The following CSMD1 variants were observed in gnomAD, a reference collection of about 807,000 sequenced individuals.
The protein encoded by CSMD1 is CUB and sushi domain-containing protein 1.
In CSMD1, 213 loss-of-function variants were observed where a neutral mutation model predicts 417.5. That is an observed-to-expected ratio of 0.51 (90% CI 0.46 to 0.57). The LOEUF (loss-of-function observed/expected upper bound fraction) is 0.57, where lower values mean the gene tolerates loss of function less well. CSMD1 is among the 20% of genes least tolerant of loss of function. CSMD1 has a pLI of 0.00. For synonymous variants in CSMD1, 2,862 were observed against 1,736.8 expected (o/e 1.65, Z -16.11); for missense variants, 6,923 against 4,529.7 (o/e 1.53, Z -15.17).
intron 23 of CSMD1, among the ~76,000 whole-genome samples, chr8:3,321,655 C>T (rs1468017681): frequency 2.0e-5 from 3 of 152,232 alleles, no homozygotes; most frequent in African/African-American, 7.2e-5. Context: ...ATGCATATTA[C>T]TATATTTAAC....
intron 3 of CSMD1, among the ~76,000 whole-genome samples, chr8:4,407,349 T>TA (rs1348341752): frequency 2.6e-5 from 4 of 152,252 alleles, no homozygotes; most frequent in African/African-American, 9.6e-5. Flanking sequence ...ATAACTTTTT[T>TA]AAAACTCAAT....
At chr8:3,631,592 G>C (rs1386352569) in intron 7 of CSMD1, among the ~76,000 whole-genome samples, 1 of 152,212 alleles carries the variant, frequency 6.6e-6, no homozygotes, top group Non-Finnish European at 1.5e-5. Flanking sequence ...CAAATCGGTA[G>C]AAGACAGGGA....
At chr8:3,730,661 C>T (rs1214277144) in intron 6 of CSMD1, among the ~76,000 whole-genome samples, 1 of 152,120 alleles carries the variant, frequency 6.6e-6, no homozygotes, top group Non-Finnish European at 1.5e-5. Context: ...ACAGATTGAC[C>T]TTCACCAGCA....
chr8:4,305,476 T>A (rs1046008452), intron 3 of CSMD1, among the ~76,000 whole-genome samples: 2 of 152,166 alleles, frequency 1.3e-5, no homozygotes, highest in African/African-American at 4.8e-5. Flanking sequence ...ACTGTAAAAT[T>A]AATGTGCTTT....
Position 3,543,222 on chromosome 8 carries a change from G to A in CSMD1, c.1344+31723C>T, listed in dbSNP as rs566408697. Among the ~76,000 whole-genome samples, 4 of 152,346 alleles carry A rather than the reference G, an allele frequency of 2.6e-5. No individual in the cohort carries two copies. In the South Asian group the frequency reaches 8.3e-4, roughly 32 times the overall value. ...CTGGTAAGTCTTAGCAGCAAGGGAGGTGGGAGAAGCCCAGGATGTGACGTA... is the reference window on the plus strand; with the variant it reads ...CTGGTAAGTCTTAGCAGCAAGGGAGATGGGAGAAGCCCAGGATGTGACGTA... On this transcript the variant is annotated intron_variant, in intron 10 of 69. Coordinates refer to ENST00000635120, the MANE Select transcript of CSMD1 (RefSeq NM_033225.6).
chr8:3,841,482 T>A (rs1563135199), intron 5 of CSMD1, among the ~76,000 whole-genome samples: 1 of 152,134 alleles, frequency 6.6e-6, no homozygotes, highest in Non-Finnish European at 1.5e-5. Flanking sequence ...CATTCCCCAT[T>A]CCCTTTTCAT....
At chr8:3,377,774 T>C (rs1329749724) in intron 18 of CSMD1, among the ~76,000 whole-genome samples, 1 of 152,160 alleles carries the variant, frequency 6.6e-6, no homozygotes, top group Non-Finnish European at 1.5e-5. Context: ...GGGCTGTACT[T>C]TCCATGAATG....
intron 46 of CSMD1, among the ~76,000 whole-genome samples, chr8:3,101,694 G>C (rs1179629939): frequency 2.0e-5 from 3 of 151,952 alleles, no homozygotes; most frequent in Admixed American, 6.6e-5. Context: ...CAAAGTAATA[G>C]GATTATAGGC....
intron 3 of CSMD1, among the ~76,000 whole-genome samples, chr8:4,379,608 A>G (rs894090048): frequency 6.6e-6 from 1 of 152,020 alleles, no homozygotes; most frequent in Admixed American, 6.5e-5. Context: ...AATGTTTGCA[A>G]GGTAAGCCAT....
At chr8:3,644,728 A>AG (rs752186666) in intron 7 of CSMD1, among the ~76,000 whole-genome samples, 5 of 152,180 alleles carry the variant, frequency 3.3e-5, no homozygotes, top group South Asian at 2.1e-4. Context: ...GGGGCCTGTC[A>AG]GGGGGGTGCA....
At position 3,644,373 on chromosome 8, in the gene CSMD1, G is replaced by A. The variant is rs117613073; in HGVS notation, c.1010-27576C>T. ...ATGTCTGGCTCTAAAATCAGCAGGT[G>A]CGAGTGAGACCCTGGAGAAGCCCTG... On this transcript the variant is annotated intron_variant, in intron 7 of 69. Transcript: ENST00000635120. 6.0e-4 allele frequency among the ~76,000 whole-genome samples: 92 copies of A among 152,310 alleles called. No individual in the cohort carries two copies. The East Asian group carries it at 7.7e-3, about 13-fold the overall frequency.
intron 5 of CSMD1, among the ~76,000 whole-genome samples, chr8:3,839,025 TTATA>T (rs1378855069): frequency 7.8e-6 from 1 of 128,220 alleles, no homozygotes; most frequent in Non-Finnish European, 1.6e-5. Context: ...TATGTTGATA[TTATA>T]TATATTTATT....
chr8:4,126,453 T>C (rs193029364), intron 3 of CSMD1, among the ~76,000 whole-genome samples: 5 of 152,184 alleles, frequency 3.3e-5, no homozygotes, highest in East Asian at 3.9e-4. Context: ...CATAGTAACA[T>C]AGATTTCACT....
chr8:3,423,239 C>G (rs1303027687), intron 12 of CSMD1, among the ~76,000 whole-genome samples: 1 of 152,126 alleles, frequency 6.6e-6, no homozygotes, highest in Non-Finnish European at 1.5e-5. Flanking sequence ...ACGAATTTGA[C>G]TAAAGGTTAT....
At chr8:3,456,005 C>T (rs959770864) in intron 12 of CSMD1, among the ~76,000 whole-genome samples, 5 of 152,100 alleles carry the variant, frequency 3.3e-5, no homozygotes, top group African/African-American at 1.2e-4. Context: ...CAAGCCTGGG[C>T]AATGGTGGGT....
intron 7 of CSMD1, among the ~76,000 whole-genome samples, chr8:3,636,808 T>A (rs56332609): frequency 0.014 from 2,195 of 152,194 alleles, 55 homozygotes; most frequent in African/African-American, 0.05. Context: ...TACGATCATA[T>A]CTTTTCTTTA....
intron 5 of CSMD1, among the ~76,000 whole-genome samples, chr8:3,766,968 C>G (rs573174383): frequency 6.6e-6 from 1 of 152,314 alleles, no homozygotes; most frequent in Admixed American, 6.5e-5. Context: ...CTAATGCAAT[C>G]ATATGGGTCC....
chr8:4,130,345 C>T (rs930458941), intron 3 of CSMD1, among the ~76,000 whole-genome samples: 2 of 152,042 alleles, frequency 1.3e-5, no homozygotes, highest in Non-Finnish European at 2.9e-5. Flanking sequence ...CCAAAGACCC[C>T]CAGTAATGGA....
chr8:4,293,778 A>G (rs1295576571), intron 3 of CSMD1, among the ~76,000 whole-genome samples: 1 of 152,208 alleles, frequency 6.6e-6, no homozygotes, highest in African/African-American at 2.4e-5. Flanking sequence ...TGGTACAAAT[A>G]AAACAAGGAA....
Sources: allele counts gnomAD v4.1 joint callset (sites outside exome capture counted in the v4.1 genomes callset), GRCh38; gene constraint gnomAD v4.1.1; transcripts MANE v1.5; gene names NCBI Gene and HGNC (gene_info 2026-07-23, HGNC 2026-07-21).